TJP2: variants seen among roughly 807,000 people sequenced by gnomAD.
TJP2 encodes the protein tight junction protein 2.
A neutral mutation model predicts 133.1 loss-of-function variants in TJP2; 91 were observed. The observed-to-expected ratio is 0.68, with a 90% confidence interval of 0.58 to 0.81. The LOEUF is 0.81. Among genes scored for constraint, TJP2 ranks in the 40% least tolerant of loss-of-function variants. The pLI, the probability that TJP2 is intolerant of heterozygous loss-of-function variation, is 0.00. For synonymous variants in TJP2, 592 were observed against 583.4 expected (o/e 1.01, Z -0.21); for missense variants, 1,541 against 1,565.6 (o/e 0.98, Z 0.26).
exon 1 of TJP2, chr9:69,121,474 C>A: frequency 2.2e-6 from 1 of 450,214 alleles, no homozygotes; most frequent in Non-Finnish European, 2.9e-6. Context: ...TCTCTCAAAC[C>A]TCTAAACAGG....
chr9:69,176,406 T>C (rs1232695592), intron 1 of TJP2, among the ~76,000 whole-genome samples: 1 of 152,108 alleles, frequency 6.6e-6, no homozygotes, highest in Non-Finnish European at 1.5e-5. Flanking sequence ...GATCTAAAGA[T>C]ACAAGTAGGA....
intron 1 of TJP2, among the ~76,000 whole-genome samples, chr9:69,194,472 C>T (rs1214878210): frequency 6.6e-6 from 1 of 152,184 alleles, no homozygotes; most frequent in Non-Finnish European, 1.5e-5. Flanking sequence ...TAAATGACTG[C>T]TAGGGATATG....
chr9:69,250,748 A>G (rs904893622), intron 20 of TJP2, among the ~76,000 whole-genome samples: 9 of 152,112 alleles, frequency 5.9e-5, no homozygotes, highest in African/African-American at 2.2e-4. Context: ...TCTAGAACAA[A>G]ATTATTCCAG....
intron 1 of TJP2, among the ~76,000 whole-genome samples, chr9:69,134,924 A>T (rs1206150558): frequency 6.6e-6 from 1 of 151,506 alleles, no homozygotes. Context: ...TTGTGTATGG[A>T]GAGAGAGGGA....
At chr9:69,232,802 T>C (rs564519445) in intron 11 of TJP2, among the ~76,000 whole-genome samples, 25 of 152,238 alleles carry the variant, frequency 1.6e-4, no homozygotes, top group Non-Finnish European at 3.5e-4. Context: ...AAAAGACTTC[T>C]AAGTTTGGTT....
intron 1 of TJP2, among the ~76,000 whole-genome samples, chr9:69,176,086 G>A (rs1276263319): frequency 6.6e-6 from 1 of 152,222 alleles, no homozygotes; most frequent in East Asian, 1.9e-4. Context: ...GGGAGGGAAT[G>A]TATGATGCCG....
intron 2 of TJP2, among the ~76,000 whole-genome samples, chr9:69,162,159 A>ATT (rs1824111074): frequency 6.8e-6 from 1 of 148,064 alleles, no homozygotes; most frequent in Non-Finnish European, 1.5e-5. Context: ...GCCTTTATAT[A>ATT]TTATATATAT....
chr9:69,249,858 AT>A (rs1485992516), intron 20 of TJP2: 4 of 522,128 alleles, frequency 7.7e-6, no homozygotes, highest in Non-Finnish European at 9.8e-6. Context: ...GCCCAGTCTG[AT>A]TTAGATGCAC....
intron 5 of TJP2, among the ~76,000 whole-genome samples, chr9:69,224,744 C>A (rs76912821): frequency 2.6e-3 from 402 of 152,252 alleles, no homozygotes; most frequent in African/African-American, 9.0e-3. Flanking sequence ...TCTAGTTTTA[C>A]CAGTTGTTAA....
intron 1 of TJP2, among the ~76,000 whole-genome samples, chr9:69,207,522 A>T (rs1026271044): frequency 6.6e-6 from 1 of 152,198 alleles, no homozygotes; most frequent in Non-Finnish European, 1.5e-5. Flanking sequence ...TACTCTATAC[A>T]TGTGTCCTTG....
At position 69,174,439 on chromosome 9, in the gene TJP2, G is replaced by C. The variant is rs1824904655; in HGVS notation, c.60+7G>C. ...GCTGTCAGGTTGGCTCCGCGTAAGT[G>C]CCTCCTTGTGCCGCGCGGTTGGGAG... On this transcript the variant is annotated splice_region_variant and intron_variant, in intron 1 of 22. Transcript: ENST00000377245. 1.3e-6 allele frequency: 2 copies of C among 1,550,730 alleles called. No homozygotes were observed. The highest frequency in any genetic ancestry group is 1.7e-6 in the Non-Finnish European group (2 of 1,146,826).
chr9:69,145,119 A>G (rs182841759), intron 1 of TJP2, among the ~76,000 whole-genome samples: 3 of 152,368 alleles, frequency 2.0e-5, no homozygotes, highest in Admixed American at 6.5e-5. Flanking sequence ...AAAACCCACC[A>G]AATTGTTTCT....
chr9:69,157,378 AT>A (rs1445072616), intron 2 of TJP2, among the ~76,000 whole-genome samples: 1 of 152,194 alleles, frequency 6.6e-6, no homozygotes, highest in African/African-American at 2.4e-5. Flanking sequence ...ACAAAGCACC[AT>A]AAACTGGGTG....
At chr9:69,209,934 C>T (rs1827739310) in intron 1 of TJP2, among the ~76,000 whole-genome samples, 1 of 152,050 alleles carries the variant, frequency 6.6e-6, no homozygotes, top group African/African-American at 2.4e-5. Flanking sequence ...TTAGTTCACC[C>T]ACCTCACGTA....
intron 22 of TJP2, 96 bp from the exon 23 acceptor site, chr9:69,254,113 G>C (rs1237965299): frequency 7.1e-7 from 1 of 1,400,068 alleles, no homozygotes; most frequent in Non-Finnish European, 1.0e-6. Flanking sequence ...TGATCTGCTC[G>C]GGATACCCAG....
chr9:69,184,814 C>T (rs1413018906), intron 1 of TJP2, among the ~76,000 whole-genome samples: 3 of 146,402 alleles, frequency 2.0e-5, no homozygotes, highest in Non-Finnish European at 4.5e-5. Context: ...GCAGTGGTGC[C>T]GTCACAGCTC....
At chr9:69,195,544 C>A (rs1175004360) in intron 1 of TJP2, among the ~76,000 whole-genome samples, 1 of 151,988 alleles carries the variant, frequency 6.6e-6, no homozygotes, top group African/African-American at 2.4e-5. Context: ...CTCAGGCCTT[C>A]TATTTTTGTA....
At chr9:69,165,720 A>G (rs1564394673) in intron 2 of TJP2, among the ~76,000 whole-genome samples, 1 of 152,234 alleles carries the variant, frequency 6.6e-6, no homozygotes, top group Non-Finnish European at 1.5e-5. Context: ...GCAGTAAAAT[A>G]GTAAAAGCTG....
chr9:69,212,445 G>A (rs1827987201), intron 1 of TJP2, 103 bp from the exon 2 acceptor site: 2 of 860,610 alleles, frequency 2.3e-6, no homozygotes, highest in Non-Finnish European at 4.0e-6. Flanking sequence ...GGTATAGAAA[G>A]TGTGAGCTGG....
Sources: gnomAD v4.1 joint callset for allele counts (sites outside exome capture counted in the v4.1 genomes callset) on GRCh38, gnomAD v4.1.1 for gene constraint, MANE v1.5 for transcripts, NCBI Gene and HGNC (gene_info 2026-07-23, HGNC 2026-07-21) for gene names.